PCM1: variants seen among roughly 807,000 people sequenced by gnomAD.
PCM1 encodes the protein pericentriolar material 1 protein.
A neutral mutation model predicts 241.9 loss-of-function variants in PCM1; 157 were observed. The ratio of observed to expected loss-of-function variants is 0.65; its 90% CI spans 0.57 to 0.74. The LOEUF is 0.74. Among genes scored for constraint, PCM1 ranks in the 30% least tolerant of loss-of-function variants. The probability of loss-of-function intolerance (pLI) is 0.00; values close to 1 mark genes in which losing one functional copy is unlikely to be tolerated. For synonymous variants in PCM1, 1,085 were observed against 784.9 expected, an observed-to-expected ratio of 1.38 and a Z score of -6.39; for missense variants, 3,478 against 2,360.1, an observed-to-expected ratio of 1.47 and a Z score of -9.81.
rs554952635 is a variant in PCM1 at position 17,991,788 on chromosome 8, T to A, written c.4690+88T>A. 249 of 957,726 alleles carry A rather than the reference T, an allele frequency of 2.6e-4. 1 individual carries two copies. The highest frequency in any genetic ancestry group is 3.3e-4 in the Non-Finnish European group (211 of 634,660). The allele number at this position is 957,726 out of a possible 1,614,324, so 59.3% of individuals were successfully genotyped here. ...TTCTTTAGTGGTGATTTCTGAGATT[T>A]TGGTGCACCCATCGCCTGAGCAGTA... On this transcript the variant is annotated intron_variant, in intron 28 of 38. Transcript: ENST00000325083.
At chr8:17,975,053 C>T (rs948673407) in intron 23 of PCM1, among the ~76,000 whole-genome samples, 7 of 152,134 alleles carry the variant, frequency 4.6e-5, no homozygotes, top group African/African-American at 1.7e-4. Context: ...TTTTGGGCCT[C>T]ACCTTATGCC....
At chr8:17,939,596 A>T in intron 5 of PCM1, 95 bp from the exon 6 acceptor site, 1 of 603,764 alleles carries the variant, frequency 1.7e-6, no homozygotes, top group Non-Finnish European at 2.6e-6. Flanking sequence ...CTTCGAAATA[A>T]AAATTTGTAA....
intron 36 of PCM1, among the ~76,000 whole-genome samples, chr8:18,022,078 G>C (rs1339212648): frequency 6.6e-6 from 1 of 152,110 alleles, no homozygotes; most frequent in Admixed American, 6.5e-5. Flanking sequence ...GACTGTAGCA[G>C]ACAGCTCTTA....
At chr8:17,969,552 C>G (rs1292053254) in intron 21 of PCM1, 25 bp from the exon 22 acceptor site, 2 of 1,489,386 alleles carry the variant, frequency 1.3e-6, no homozygotes, top group Non-Finnish European at 1.8e-6. Flanking sequence ...TTATTTTTCT[C>G]TTACCCATTG....
At chr8:17,942,929 G>A (rs976785280) in intron 6 of PCM1, among the ~76,000 whole-genome samples, 4 of 151,644 alleles carry the variant, frequency 2.6e-5, no homozygotes, top group African/African-American at 4.8e-5. Flanking sequence ...CCCTGGAGGC[G>A]GAGGTTGCAG....
At position 17,960,026 on chromosome 8, in the gene PCM1, G is replaced by T. The variant is rs185160982; in HGVS notation, c.2053G>T (p.Ala685Ser). 1.9e-6 allele frequency: 3 copies of T among 1,612,520 alleles called. No homozygotes were observed. Among genetic ancestry groups the T allele is most frequent in the East Asian group, 2.2e-5 (1 of 44,800 alleles). Reference protein sequence around the residue: ...LVAMVQDDDAAQGVISASASN... With the variant: ...LVAMVQDDDASQGVISASASN... ...GATGCTCTTTCAGGATGATGATGCA[G>T]CTCAAGGAGTTATCTCTGCCAGTGC... The change falls in exon 14 of 39, where the codon GCT becomes TCT. Residue 685 changes from alanine (A) to serine (S), a missense_variant. Physicochemically the swap from Ala to Ser is moderately conservative, Grantham distance 99. Coordinates refer to ENST00000325083, the MANE Select transcript of PCM1 (RefSeq NM_006197.4).
intron 23 of PCM1, among the ~76,000 whole-genome samples, chr8:17,975,957 C>G (rs1173410691): frequency 6.6e-6 from 1 of 152,178 alleles, no homozygotes; most frequent in African/African-American, 2.4e-5. Flanking sequence ...TTTGTTTACA[C>G]TATACTCTTC....
rs567976037 is a variant in PCM1, at chr8:17,960,425, C to T, written c.2303C>T (p.Thr768Met). ...DIQEKIQALQ[T>M]ACPDLQLSAA... The stretch of plus-strand genomic sequence containing the variant: ...CAGGAGAAAATTCAAGCATTGCAAA[C>T]GGCATGCCCTGACTTACAGGTAATT... Residue 768 changes from threonine to methionine, a missense_variant, in exon 15 of 39, where the codon ACG becomes ATG. Transcript: ENST00000325083. The T allele has an allele frequency of 1.8e-5, 28 of 1,598,222 alleles. No individual in the cohort carries two copies. Among genetic ancestry groups the T allele is most frequent in the South Asian group, 1.7e-4 (15 of 87,314 alleles).
chr8:17,957,445 T>C, intron 12 of PCM1, 24 bp downstream of exon 12: 3 of 1,609,758 alleles, frequency 1.9e-6, no homozygotes, highest in Non-Finnish European at 2.5e-6. Context: ...TATTTACATA[T>C]AATTTTGCTG....
At chr8:17,943,137 G>T (rs1197701561) in intron 6 of PCM1, among the ~76,000 whole-genome samples, 1 of 151,328 alleles carries the variant, frequency 6.6e-6, no homozygotes, top group African/African-American at 2.4e-5. Flanking sequence ...TATTACCTAG[G>T]ACTACACTTT....
chr8:18,027,973 G>T lies in PCM1; in HGVS notation c.*311G>T, dbSNP rs1564495020. 3.5e-6 allele frequency: 1 copy of T among 287,976 alleles called. No homozygotes were observed. The highest frequency in any genetic ancestry group is 6.4e-6 in the Non-Finnish European group (1 of 156,166). The allele number at this position is 287,976 out of a possible 1,614,324, so 17.8% of individuals were successfully genotyped here. On this transcript the variant is annotated 3_prime_UTR_variant, in exon 39 of 39. Coordinates refer to ENST00000325083, the MANE Select transcript of PCM1 (RefSeq NM_006197.4). ...AATAAAGTTTGGACTTATCTATAAA[G>T]TATCTTTTTTGGAAATTATATTGAA...
intron 29 of PCM1, among the ~76,000 whole-genome samples, chr8:17,996,649 T>C (rs1396687092): frequency 1.3e-5 from 2 of 150,294 alleles, no homozygotes; most frequent in Non-Finnish European, 2.9e-5. Context: ...ATGCTTTTCT[T>C]GTTTTTTAAC....
chr8:18,005,679 A>G (rs2091089830), intron 29 of PCM1, among the ~76,000 whole-genome samples: 1 of 152,174 alleles, frequency 6.6e-6, no homozygotes, highest in African/African-American at 2.4e-5. Flanking sequence ...TGATTTGTTA[A>G]GAAAGTTAGG....
intron 26 of PCM1, among the ~76,000 whole-genome samples, chr8:17,989,400 A>C (rs2083710473): frequency 6.6e-6 from 1 of 152,062 alleles, no homozygotes; most frequent in Non-Finnish European, 1.5e-5. Context: ...GTACATTTAA[A>C]GTGAGTGCAT....
At chr8:17,971,983 A>G (rs907661718) in intron 22 of PCM1, among the ~76,000 whole-genome samples, 17 of 152,028 alleles carry the variant, frequency 1.1e-4, no homozygotes, top group African/African-American at 4.1e-4. Context: ...GGGCTCAAGC[A>G]TTCCTCCTGC....
intron 34 of PCM1, among the ~76,000 whole-genome samples, chr8:18,012,032 C>G (rs1265554596): frequency 6.6e-6 from 1 of 152,186 alleles, no homozygotes; most frequent in Non-Finnish European, 1.5e-5. Context: ...GCTCAGTCTT[C>G]TGGGCTGGAG....
At chr8:17,979,926 C>T (rs1326739738) in intron 23 of PCM1, among the ~76,000 whole-genome samples, 3 of 151,984 alleles carry the variant, frequency 2.0e-5, no homozygotes, top group Non-Finnish European at 2.9e-5. Context: ...ATAAAAATGG[C>T]ATTGGAATAG....
rs758355384 is a variant in PCM1 at position 17,956,588 on chromosome 8, A to AT, written c.1473-10dup. The AT allele has an allele frequency of 6.6e-7, 1 of 1,519,602 alleles. No individual in the cohort carries two copies. The highest frequency in any genetic ancestry group is 1.4e-5 in the African/African-American group (1 of 72,546). 94.1% of individuals were successfully genotyped at this position (1,519,602 alleles called of 1,614,324 possible). A position where few individuals can be genotyped will look rare whatever the true frequency, so the allele number is the denominator to read the frequency against. ...AAATGGGTGTAAATCGTATACATAA[A>AT]TTTTTTGTTTATCAGGAAGTTAAAT... On this transcript the variant is annotated splice_polypyrimidine_tract_variant and intron_variant, in intron 10 of 38. Transcript: ENST00000325083.
chr8:17,985,746 C>A, intron 25 of PCM1, 127 bp downstream of exon 25: 2 of 832,694 alleles, frequency 2.4e-6, no homozygotes, highest in East Asian at 2.8e-5. Context: ...GCTTTCTTGA[C>A]ATTTTATTTA....
Sources: gnomAD v4.1 joint callset for allele counts (sites outside exome capture counted in the v4.1 genomes callset) on GRCh38, gnomAD v4.1.1 for gene constraint, MANE v1.5 for transcripts, NCBI Gene and HGNC (gene_info 2026-07-23, HGNC 2026-07-21) for gene names.